The following MAST4 variants were observed in gnomAD, a reference collection of about 807,000 sequenced individuals.
The protein encoded by MAST4 is microtubule-associated serine/threonine-protein kinase 4.
Under a neutral mutation model 162.7 loss-of-function variants are expected in MAST4, and 89 were observed. That is an observed-to-expected ratio of 0.55 (90% confidence interval 0.46 to 0.65). MAST4 has a LOEUF of 0.65. Among genes scored for constraint, MAST4 ranks in the 30% least tolerant of loss-of-function variants. The pLI, the probability that MAST4 is intolerant of heterozygous loss-of-function variation, is 0.00. For missense variants in MAST4, 3,153 were observed against 3,374.0 expected, an observed-to-expected ratio of 0.93 and a Z score of 1.62; for synonymous variants, 1,479 against 1,361.1, an observed-to-expected ratio of 1.09 and a Z score of -1.91.
intron 14 of MAST4, among the ~76,000 whole-genome samples, chr5:67,129,167 A>G (rs951468620): frequency 5.3e-5 from 8 of 152,164 alleles, no homozygotes; most frequent in African/African-American, 1.9e-4. Flanking sequence ...AGAGAACAGA[A>G]ATACAGCTCC....
chr5:67,056,778 C>T (rs1274374069), intron 5 of MAST4, among the ~76,000 whole-genome samples: 7 of 152,186 alleles, frequency 4.6e-5, no homozygotes, highest in African/African-American at 1.7e-4. Flanking sequence ...CTAACTGTAA[C>T]TTCTGCCTCC....
chr5:66,694,120 AG>A (rs1318664410), intron 1 of MAST4, among the ~76,000 whole-genome samples: 6 of 152,214 alleles, frequency 3.9e-5, no homozygotes, highest in African/African-American at 7.2e-5. Context: ...CAGAATCGTC[AG>A]GGAGCGCATT....
intron 5 of MAST4, among the ~76,000 whole-genome samples, chr5:67,081,841 G>A (rs1285790527): frequency 6.6e-6 from 1 of 152,132 alleles, no homozygotes; most frequent in Non-Finnish European, 1.5e-5. Flanking sequence ...AAATAAGATG[G>A]CAATTTTTCT....
At chr5:67,033,820 A>G (rs1257931528) in intron 4 of MAST4, among the ~76,000 whole-genome samples, 1 of 152,184 alleles carries the variant, frequency 6.6e-6, no homozygotes. Flanking sequence ...AAAGAAAAGT[A>G]TCAGTTTATT....
At chr5:66,962,534 C>A (rs2150163661) in intron 4 of MAST4, among the ~76,000 whole-genome samples, 1 of 152,250 alleles carries the variant, frequency 6.6e-6, no homozygotes, top group East Asian at 1.9e-4. Flanking sequence ...ATCTTGAAAC[C>A]CCATCTCTAC....
intron 1 of MAST4, among the ~76,000 whole-genome samples, chr5:66,697,499 GA>G (rs1749484189): frequency 6.6e-6 from 1 of 152,304 alleles, no homozygotes; most frequent in Admixed American, 6.5e-5. Flanking sequence ...ACAATTATCT[GA>G]AAGTCTGTTA....
In MAST4 at chr5:67,166,542, C is replaced by A; in HGVS notation, c.7363C>A (p.Pro2455Thr). Residue 2455 changes from proline to threonine, a missense_variant, in exon 29 of 29, where the codon CCG becomes ACG. Physicochemically the swap from Pro to Thr is conservative, Grantham distance 38. Around this residue, in one of 7 missense-constraint regions of MAST4, gnomAD observed 1,644 missense variants for 1,495.0 expected, o/e 1.10. Transcript: ENST00000403625. ...GQSSFRSTAL[P>T]EKSLSCSSSF... The stretch of plus-strand genomic sequence containing the variant: ...GAGTTCTTTCCGATCCACGGCCCTC[C>A]CGGAAAAGTCTCTGAGCTGCTCCTC... 6.2e-7 allele frequency: 1 copy of A among 1,607,500 alleles called. No homozygotes were observed.
At chr5:66,757,339 G>A (rs929520254) in intron 1 of MAST4, among the ~76,000 whole-genome samples, 11 of 152,172 alleles carry the variant, frequency 7.2e-5, no homozygotes, top group Admixed American at 7.2e-4. Context: ...CACAGGGTAG[G>A]CATCCATTCT....
At chr5:67,049,879 T>C (rs1002941918) in intron 4 of MAST4, among the ~76,000 whole-genome samples, 3 of 152,196 alleles carry the variant, frequency 2.0e-5, no homozygotes, top group Non-Finnish European at 4.4e-5. Flanking sequence ...GGCCACAGCC[T>C]GGTGGGCTTC....
chr5:66,687,634 G>C (rs1748764764), intron 1 of MAST4, among the ~76,000 whole-genome samples: 1 of 96,908 alleles, frequency 1.0e-5, no homozygotes, highest in East Asian at 3.8e-4. Context: ...ATGTGTGTGT[G>C]TTTATCTATC....
intron 3 of MAST4, among the ~76,000 whole-genome samples, chr5:66,849,972 A>G (rs1334173872): frequency 6.6e-6 from 1 of 152,220 alleles, no homozygotes; most frequent in African/African-American, 2.4e-5. Context: ...CCTCACAGGC[A>G]TGAGGCAATT....
Position 66,648,083 on chromosome 5 carries a change from TGA to T in MAST4, c.363+51086_363+51087del, listed in dbSNP as rs375744842. Among the ~76,000 whole-genome samples the T allele has an allele frequency of 9.6e-3, 832 of 87,014 alleles. 2 individuals carry two copies. The highest frequency in any genetic ancestry group is 0.014 in the East Asian group (41 of 2,922). The allele number at this position is 87,014 out of a possible 152,430, so 57.1% of individuals were successfully genotyped here. The stretch of plus-strand genomic sequence containing the variant: ...GTGTGTGTGTGTGTGTGTGTGTGTG[TGA>T]GAGAGAGAGAGAGAGAGAGATTTAG... On this transcript the variant is annotated intron_variant, in intron 1 of 28. Transcript: ENST00000403625.
At chr5:67,114,318 G>A (rs1766623407) in intron 12 of MAST4, 99 bp downstream of exon 12, 1 of 1,419,862 alleles carries the variant, frequency 7.0e-7, no homozygotes, top group Non-Finnish European at 9.5e-7. Context: ...TCATGTTTTG[G>A]CTCTATCTAT....
intron 1 of MAST4, among the ~76,000 whole-genome samples, chr5:66,608,050 GCTTA>G (rs1288538254): frequency 6.8e-6 from 1 of 148,098 alleles, no homozygotes; most frequent in African/African-American, 2.5e-5. Context: ...CACCTCACAT[GCTTA>G]CTTTTTTTTT....
At chr5:66,903,588 T>A (rs1200666096) in intron 4 of MAST4, among the ~76,000 whole-genome samples, 1 of 152,092 alleles carries the variant, frequency 6.6e-6, no homozygotes, top group Non-Finnish European at 1.5e-5. Flanking sequence ...TAGAAAAAAT[T>A]ATGATGATAA....
chr5:66,937,264 T>G (rs1742847389), intron 4 of MAST4, among the ~76,000 whole-genome samples: 1 of 152,152 alleles, frequency 6.6e-6, no homozygotes, highest in African/African-American at 2.4e-5. Context: ...TCATTCAAAT[T>G]AGGAGAACAA....
In MAST4 at chr5:67,130,343, A is replaced by G; in HGVS notation, c.1879A>G (p.Asn627Asp). ...GCGGGATATCCTGACTTTTGCAGAA[A>G]ACCCCTTTGTTGTCAGCATGTATTG... is the stretch of plus-strand genomic sequence containing the variant. ...VERDILTFAE[N>D]PFVVSMYCSF... Residue 627 changes from asparagine to aspartate, a missense_variant, in exon 15 of 29, where the codon AAC (asparagine) becomes GAC (aspartate). Coordinates refer to ENST00000403625, the MANE Select transcript of MAST4 (RefSeq NM_001164664.2). 1.1e-5 allele frequency: 17 copies of G among 1,614,000 alleles called. No homozygotes were observed. The highest frequency in any genetic ancestry group is 1.4e-5 in the Non-Finnish European group (17 of 1,179,912).
intron 3 of MAST4, among the ~76,000 whole-genome samples, chr5:66,893,729 A>T (rs2149955271): frequency 6.6e-6 from 1 of 152,168 alleles, no homozygotes; most frequent in African/African-American, 2.4e-5. Context: ...TTCTATAGGG[A>T]TCTCCCTACT....
intron 3 of MAST4, among the ~76,000 whole-genome samples, chr5:66,869,137 G>GCGGT (rs1303761216): frequency 6.6e-6 from 1 of 152,142 alleles, no homozygotes; most frequent in African/African-American, 2.4e-5. Flanking sequence ...GTTAGTAAGG[G>GCGGT]CGGTTCTTCA....
Sources: allele counts gnomAD v4.1 joint callset (sites outside exome capture counted in the v4.1 genomes callset), GRCh38; gene constraint gnomAD v4.1.1; regional missense constraint gnomAD v4.1.1; transcripts MANE v1.5; gene names NCBI Gene and HGNC (gene_info 2026-07-23, HGNC 2026-07-21).